The following PPARGC1A variants were observed in gnomAD, a reference collection of about 807,000 sequenced individuals.
PPARGC1A encodes PPARG coactivator 1 alpha.
PPARGC1A carries 25 observed loss-of-function variants against 88.7 expected under a neutral mutation model. The ratio of observed to expected loss-of-function variants is 0.28; its 90% confidence interval spans 0.21 to 0.39. The LOEUF (loss-of-function observed/expected upper bound fraction) is 0.39, where lower values mean the gene tolerates loss of function less well. PPARGC1A is among the 10% of genes least tolerant of loss of function. The pLI, the probability that PPARGC1A is intolerant of heterozygous loss-of-function variation, is 1.00. For missense variants in PPARGC1A, 880 were observed against 968.7 expected, an observed-to-expected ratio of 0.91 and a Z score of 1.22; for synonymous variants, 363 against 355.6, an observed-to-expected ratio of 1.02 and a Z score of -0.24.
the PPARGC1A span, among the ~76,000 whole-genome samples, chr4:24,453,301 C>A: frequency 6.6e-6 from 1 of 152,212 alleles, no homozygotes; most frequent in African/African-American, 2.4e-5. Context: ...CTTGTTACAG[C>A]AGCTCTTGCA....
chr4:24,028,949 T>C, the PPARGC1A span, among the ~76,000 whole-genome samples: 1 of 152,160 alleles, frequency 6.6e-6, no homozygotes, highest in Non-Finnish European at 1.5e-5. Context: ...AAGGCAACAG[T>C]CTATGACCGA....
the PPARGC1A span, among the ~76,000 whole-genome samples, chr4:24,350,775 A>G: frequency 2.0e-5 from 3 of 152,144 alleles, no homozygotes; most frequent in Non-Finnish European, 4.4e-5. Flanking sequence ...TAAAATTATA[A>G]AAGCCTAATG....
At chr4:24,072,267 G>T in the PPARGC1A span, among the ~76,000 whole-genome samples, 1 of 150,884 alleles carries the variant, frequency 6.6e-6, no homozygotes, top group Admixed American at 6.6e-5. Flanking sequence ...CCATTTAAAT[G>T]TTATTTAATT....
At chr4:24,387,904 G>A in the PPARGC1A span, among the ~76,000 whole-genome samples, 6 of 25,204 alleles carry the variant, frequency 2.4e-4, no homozygotes, top group Non-Finnish European at 4.4e-4. Context: ...GAAAAAGAAA[G>A]AGAAAGAAAG....
the PPARGC1A span, among the ~76,000 whole-genome samples, chr4:23,936,382 T>C: frequency 6.6e-6 from 1 of 152,124 alleles, no homozygotes; most frequent in African/African-American, 2.4e-5. Context: ...TTCTACTCTA[T>C]AGCCTCCAAG....
At chr4:24,035,895 A>C in the PPARGC1A span, among the ~76,000 whole-genome samples, 1 of 152,232 alleles carries the variant, frequency 6.6e-6, no homozygotes, top group African/African-American at 2.4e-5. Flanking sequence ...TAAGCTTGAA[A>C]AATTGTGGAC....
chr4:24,087,180 C>A, the PPARGC1A span, among the ~76,000 whole-genome samples: 1 of 152,180 alleles, frequency 6.6e-6, no homozygotes, highest in Non-Finnish European at 1.5e-5. Context: ...AAGATGATAA[C>A]CATTGCTCCT....
the PPARGC1A span, among the ~76,000 whole-genome samples, chr4:23,991,569 G>C: frequency 2.6e-5 from 4 of 151,968 alleles, no homozygotes; most frequent in Non-Finnish European, 5.9e-5. Context: ...TGACATACAA[G>C]AGCCTACAAA....
chr4:24,148,681 G>A, the PPARGC1A span, among the ~76,000 whole-genome samples: 1 of 152,178 alleles, frequency 6.6e-6, no homozygotes, highest in Non-Finnish European at 1.5e-5. Context: ...TAGGTTCAGG[G>A]TCAGAACTGG....
At chr4:24,147,919 G>A in the PPARGC1A span, among the ~76,000 whole-genome samples, 1 of 152,182 alleles carries the variant, frequency 6.6e-6, no homozygotes, top group South Asian at 2.1e-4. Flanking sequence ...ATTCCAGCTT[G>A]GGCTACAGAG....
chr4:23,847,333 C>T (rs1489533337), intron 2 of PPARGC1A, among the ~76,000 whole-genome samples: 1 of 152,190 alleles, frequency 6.6e-6, no homozygotes, highest in Non-Finnish European at 1.5e-5. Context: ...TTGTCCAGTG[C>T]ATACCAAGTC....
the PPARGC1A span, among the ~76,000 whole-genome samples, chr4:24,085,512 C>T: frequency 0.012 from 1,810 of 152,278 alleles, 41 homozygotes; most frequent in African/African-American, 0.041. Context: ...ATTTCAGGTA[C>T]ACCTGTGTTG....
chr4:24,154,275 C>T, the PPARGC1A span, among the ~76,000 whole-genome samples: 11 of 152,196 alleles, frequency 7.2e-5, no homozygotes, highest in Non-Finnish European at 1.6e-4. Context: ...ACCCAGATCC[C>T]AAGCCCCTGT....
Position 23,795,841 on chromosome 4 carries a change from T to G in PPARGC1A, c.2378A>C (p.Gln793Pro). The G allele has an allele frequency of 6.2e-7, 1 of 1,611,548 alleles. No individual in the cohort carries two copies. Reference sequence around the variant, plus strand: ...AACATGTTACCTGCGCAAGCTTCTCTGAGCTTCTTTCAGTAAACTATCAAA... The same window carrying G: ...AACATGTTACCTGCGCAAGCTTCTCGGAGCTTCTTTCAGTAAACTATCAAA... Reference protein sequence around the residue: ...LDFDSLLKEAQRSLRR With the variant: ...LDFDSLLKEAPRSLRR The change falls in exon 13 of 13, where the codon CAG becomes CCG. Residue 793 changes from glutamine to proline, a missense_variant. Gln to Pro is a moderately conservative substitution (Grantham distance 76). Transcript: ENST00000264867.
chr4:23,857,373 G>GTGTGTACAC (rs148212399), intron 2 of PPARGC1A, among the ~76,000 whole-genome samples: 4 of 104,452 alleles, frequency 3.8e-5, no homozygotes, highest in Admixed American at 9.4e-5. Flanking sequence ...GTGTGTGTGT[G>GTGTGTACAC]ACACACACAC....
chr4:24,373,202 C>T, the PPARGC1A span, among the ~76,000 whole-genome samples: 3 of 152,138 alleles, frequency 2.0e-5, no homozygotes, highest in African/African-American at 7.2e-5. Flanking sequence ...GTCAAAGGGA[C>T]CTAATGAGGA....
the PPARGC1A span, among the ~76,000 whole-genome samples, chr4:23,944,794 G>C: frequency 6.6e-6 from 1 of 152,110 alleles, no homozygotes. Context: ...GTGTAAAGAG[G>C]GATGTGTTTG....
chr4:24,399,147 A>ACC, the PPARGC1A span, among the ~76,000 whole-genome samples: 151,145 of 152,320 alleles, frequency 0.99, 74,994 homozygotes, highest in East Asian at 1. Context: ...CTCAGCGAAA[A>ACC]CTCAGCTTAT....
chr4:24,072,033 A>G, the PPARGC1A span, among the ~76,000 whole-genome samples: 1 of 151,398 alleles, frequency 6.6e-6, no homozygotes, highest in East Asian at 1.9e-4. Context: ...ATACACCTCT[A>G]AGAAATAGGG....
Sources: allele counts gnomAD v4.1 joint callset (sites outside exome capture counted in the v4.1 genomes callset), GRCh38; gene constraint gnomAD v4.1.1; transcripts MANE v1.5; gene names NCBI Gene and HGNC (gene_info 2026-07-23, HGNC 2026-07-21).